Variants in LINC00632 observed in about 807,000 individuals in gnomAD.
The protein encoded by LINC00632 is long independently transcribed non-coding RNA 632.
exon 4 of LINC00632, chrX:140,772,586 T>C (rs1931817800): frequency 1.1e-5 from 3 of 263,184 alleles, no homozygotes; most frequent in Non-Finnish European, 1.3e-5. Context: ...GAAAGTTCTT[T>C]AAATGCTTGA....
intron 3 of LINC00632, among the ~76,000 whole-genome samples, chrX:140,753,279 T>A (rs1931437299): frequency 8.9e-6 from 1 of 112,172 alleles, no homozygotes; most frequent in Admixed American, 9.5e-5. Context: ...AGCCTTCCAC[T>A]CTTGGGCCTC....
chrX:140,765,862 C>T (rs769161251), intron 3 of LINC00632, among the ~76,000 whole-genome samples: 129 of 111,974 alleles, frequency 1.2e-3, no homozygotes, highest in African/African-American at 4.0e-3. Context: ...ATAAATGCTT[C>T]TTTTTGTCTT....
chrX:140,773,742 T>C (rs1387032784), exon 4 of LINC00632, among the ~76,000 whole-genome samples: 1 of 112,230 alleles, frequency 8.9e-6, no homozygotes, highest in Non-Finnish European at 1.9e-5. Context: ...CTGCTCCTTG[T>C]GTTCAAGTCA....
chrX:140,757,024 T>C (rs1278029148), intron 3 of LINC00632, among the ~76,000 whole-genome samples: 1 of 111,455 alleles, frequency 9.0e-6, no homozygotes, highest in Non-Finnish European at 1.9e-5. Flanking sequence ...CTATGATTGC[T>C]TGGAAGGGAC....
exon 5 of LINC00632, among the ~76,000 whole-genome samples, chrX:140,778,585 C>T (rs1425888783): frequency 5.2e-5 from 5 of 95,513 alleles, no homozygotes; most frequent in African/African-American, 2.0e-4. Context: ...AGCCTGGCAA[C>T]AGGATGAGAC....
chrX:140,748,726 G>A (rs1046362398), intron 3 of LINC00632, among the ~76,000 whole-genome samples: 3 of 108,043 alleles, frequency 2.8e-5, no homozygotes, highest in Non-Finnish European at 3.8e-5. Flanking sequence ...TCTTCACAGG[G>A]TTATTGTGAG....
chrX:140,762,210 A>AGG (rs1491546322), intron 3 of LINC00632, among the ~76,000 whole-genome samples: 4 of 16,836 alleles, frequency 2.4e-4, no homozygotes, highest in Admixed American at 1.6e-3. Flanking sequence ...TTTTTCGAAA[A>AGG]GAGAGAGAGA....
At chrX:140,772,651 C>T (rs5907638) in exon 4 of LINC00632, 87,429 of 195,644 alleles carry the variant, frequency 0.45, 15,513 homozygotes, top group East Asian at 0.59. Flanking sequence ...TGAACCTACA[C>T]ATCATACAAT....
intron 3 of LINC00632, among the ~76,000 whole-genome samples, chrX:140,744,271 G>A (rs1424842146): frequency 9.1e-6 from 1 of 110,445 alleles, no homozygotes; most frequent in Admixed American, 9.7e-5. Context: ...AGATCAGTTA[G>A]GGAGATAGGA....
At chrX:140,771,198 T>C (rs1327376944) in intron 3 of LINC00632, among the ~76,000 whole-genome samples, 7 of 110,644 alleles carry the variant, frequency 6.3e-5, no homozygotes, top group Non-Finnish European at 1.1e-4. Flanking sequence ...ATTATCTTAT[T>C]GGGGGAAAGA....
intron 3 of LINC00632, among the ~76,000 whole-genome samples, chrX:140,769,126 A>G (rs1403821043): frequency 9.0e-6 from 1 of 111,536 alleles, no homozygotes; most frequent in Non-Finnish European, 1.9e-5. Context: ...AGCAAGAATT[A>G]GGACAAGGTC....
exon 5 of LINC00632, chrX:140,784,039 C>T: frequency 8.3e-7 from 1 of 1,211,584 alleles, no homozygotes; most frequent in Non-Finnish European, 1.1e-6. Context: ...TCCAAAAAAT[C>T]CGGGTCTTCC....
At chrX:140,768,716 A>G (rs957111928) in intron 3 of LINC00632, among the ~76,000 whole-genome samples, 2 of 98,743 alleles carry the variant, frequency 2.0e-5, no homozygotes, top group Non-Finnish European at 4.0e-5. Flanking sequence ...ATAAATATAT[A>G]TTTAATTAAA....
chrX:140,723,715 GCCATACACA>G (rs1602734962), intron 2 of LINC00632, among the ~76,000 whole-genome samples: 12 of 107 alleles, frequency 0.11, no homozygotes, highest in South Asian at 0.33. Context: ...ATACACACAC[GCCATACACA>G]CATTCCAAAC....
exon 5 of LINC00632, among the ~76,000 whole-genome samples, chrX:140,790,141 G>A (rs760709170): frequency 5.9e-4 from 65 of 111,072 alleles, no homozygotes; most frequent in African/African-American, 2.1e-3. Context: ...TCAGCCTCCC[G>A]AGTAGCTGGG....
At chrX:140,759,338 TTCCTTC>T (rs1569354260) in intron 3 of LINC00632, among the ~76,000 whole-genome samples, 23 of 54,056 alleles carry the variant, frequency 4.3e-4, no homozygotes, top group African/African-American at 7.2e-4. Flanking sequence ...CCTTCCTTCC[TTCCTTC>T]CTTTCTTTCT....
At chrX:140,759,285 TTTCTTTCCTTCCTTCCTTCCTTCC>T (rs1267937640) in intron 3 of LINC00632, among the ~76,000 whole-genome samples, 35 of 93,976 alleles carry the variant, frequency 3.7e-4, no homozygotes, top group African/African-American at 1.3e-3. Flanking sequence ...CTTTTCTTTC[TTTCTTTCCTTCCTTCCTTCCTTCC>T]TTCCTTCCTT....
At chrX:140,779,926 G>A (rs1349154185) in exon 5 of LINC00632, among the ~76,000 whole-genome samples, 1 of 111,106 alleles carries the variant, frequency 9.0e-6, no homozygotes, top group Non-Finnish European at 1.9e-5. Flanking sequence ...GGTGAGTGGT[G>A]CTTAGTCCTG....
intron 3 of LINC00632, chrX:140,771,961 T>A: frequency 5.2e-6 from 1 of 192,069 alleles, no homozygotes; most frequent in Non-Finnish European, 9.6e-6. Context: ...ATTACAGGCG[T>A]GAGCCACCAT....
Sources: allele counts gnomAD v4.1 joint callset (sites outside exome capture counted in the v4.1 genomes callset), GRCh38; gene constraint gnomAD v4.1.1; transcripts MANE v1.5; gene names NCBI Gene and HGNC (gene_info 2026-07-23, HGNC 2026-07-21).